Variants in MAGI2 observed in about 807,000 individuals in gnomAD.
MAGI2 encodes membrane-associated guanylate kinase, WW and PDZ domain-containing protein 2.
Under a neutral mutation model 133.3 loss-of-function variants are expected in MAGI2, and 35 were observed. The ratio of observed to expected loss-of-function variants is 0.26; its 90% CI spans 0.20 to 0.35. The LOEUF (loss-of-function observed/expected upper bound fraction) is 0.35. Ranked by LOEUF, MAGI2 falls within the 10% of genes least tolerant of loss-of-function variation. The pLI is 1.00. For synonymous variants in MAGI2, 729 were observed against 710.6 expected (o/e 1.03, Z -0.41); for missense variants, 1,636 against 1,863.4 (o/e 0.88, Z 2.25).
chr7:78,553,608 A>C (rs376327415), intron 3 of MAGI2, among the ~76,000 whole-genome samples: 3 of 152,196 alleles, frequency 2.0e-5, no homozygotes, highest in African/African-American at 7.2e-5. Flanking sequence ...ATCTCATTAG[A>C]GCTACTGAGT....
chr7:78,277,844 TCTA>T (rs1417161279), intron 9 of MAGI2, among the ~76,000 whole-genome samples: 2 of 152,116 alleles, frequency 1.3e-5, no homozygotes, highest in Admixed American at 1.3e-4. Context: ...TGGCTGTCTA[TCTA>T]CTACATCTAA....
chr7:78,871,828 A>C lies in MAGI2; in HGVS notation c.418+135262T>G, dbSNP rs115656349. 9.7e-4 allele frequency among the ~76,000 whole-genome samples: 147 copies of C among 152,254 alleles called. 1 individual carries two copies. Among genetic ancestry groups the C allele is most frequent in the African/African-American group, 3.5e-3 (147 of 41,584 alleles). ...CATAATTATATACCTTTCCATTTAA[A>C]AAAAACTGAGTTCAGTTTAAGAAAC... is the stretch of plus-strand genomic sequence containing the variant. On this transcript the variant is annotated intron_variant, in intron 2 of 21. Transcript: ENST00000354212.
At chr7:78,989,482 A>T (rs1169879774) in intron 2 of MAGI2, among the ~76,000 whole-genome samples, 1 of 152,050 alleles carries the variant, frequency 6.6e-6, no homozygotes, top group African/African-American at 2.4e-5. Context: ...AAAACTCCAG[A>T]GGCTTGATTT....
chr7:78,697,372 T>C (rs1817630610), intron 2 of MAGI2, among the ~76,000 whole-genome samples: 1 of 152,214 alleles, frequency 6.6e-6, no homozygotes, highest in Non-Finnish European at 1.5e-5. Flanking sequence ...GGAAGTATTA[T>C]GAAATAAGTT....
At chr7:79,292,431 G>T (rs1167540573) in intron 1 of MAGI2, among the ~76,000 whole-genome samples, 2 of 151,670 alleles carry the variant, frequency 1.3e-5, no homozygotes, top group African/African-American at 4.8e-5. Context: ...AGACCAGCCT[G>T]GCCTGTGTGG....
At chr7:79,144,537 C>A (rs529378668) in intron 1 of MAGI2, among the ~76,000 whole-genome samples, 1 of 152,110 alleles carries the variant, frequency 6.6e-6, no homozygotes, top group Admixed American at 6.6e-5. Context: ...TCTGTAAAGT[C>A]GGCAGAATTG....
chr7:78,024,977 A>G (rs2471596), intron 21 of MAGI2, among the ~76,000 whole-genome samples: 139,149 of 152,284 alleles, frequency 0.91, 63,717 homozygotes, highest in East Asian at 1. Context: ...TGAGACATAA[A>G]TTAGATCATG....
chr7:79,002,712 G>C (rs181673218), intron 2 of MAGI2, among the ~76,000 whole-genome samples: 1 of 151,548 alleles, frequency 6.6e-6, no homozygotes, highest in African/African-American at 2.4e-5. Context: ...CATTTCCATT[G>C]AGAAACTGCA....
intron 2 of MAGI2, among the ~76,000 whole-genome samples, chr7:78,947,623 A>T (rs1429223394): frequency 3.3e-5 from 5 of 152,090 alleles, no homozygotes; most frequent in Non-Finnish European, 7.4e-5. Flanking sequence ...TGAATTCATG[A>T]GATTCATTTT....
intron 2 of MAGI2, among the ~76,000 whole-genome samples, chr7:78,762,769 C>G (rs1028087437): frequency 1.3e-5 from 2 of 152,132 alleles, no homozygotes; most frequent in African/African-American, 4.8e-5. Context: ...GGGGAACCAC[C>G]TATTTTTCCT....
At chr7:78,832,029 G>T in intron 2 of MAGI2, among the ~76,000 whole-genome samples, 1 of 152,040 alleles carries the variant, frequency 6.6e-6, no homozygotes, top group African/African-American at 2.4e-5. Flanking sequence ...ATGAATGAGT[G>T]GTAAGTGACC....
At chr7:78,437,862 T>C (rs1334634849) in intron 6 of MAGI2, among the ~76,000 whole-genome samples, 9 of 152,226 alleles carry the variant, frequency 5.9e-5, no homozygotes, top group African/African-American at 2.2e-4. Context: ...ATATAACCTT[T>C]AGAATATAAA....
intron 3 of MAGI2, among the ~76,000 whole-genome samples, chr7:78,611,132 A>C (rs909918965): frequency 6.6e-6 from 1 of 152,232 alleles, no homozygotes; most frequent in Non-Finnish European, 1.5e-5. Context: ...TGGGTGTTTT[A>C]GTTATCATCA....
chr7:78,018,989 AT>A lies in MAGI2; in HGVS notation c.*325del. On this transcript the variant is annotated 3_prime_UTR_variant, in exon 22 of 22. Transcript: ENST00000354212. ...AGTTTGGATGACATCCAAGTCCTTCATGCAGTGGGGAGGAATATTTTTTTTT... is the reference window on the plus strand; with the variant it reads ...AGTTTGGATGACATCCAAGTCCTTCAGCAGTGGGGAGGAATATTTTTTTTT... The A allele has an allele frequency of 1.0e-5, 4 of 400,480 alleles. No homozygotes were observed. The East Asian group carries it at 1.4e-4, about 14-fold the overall frequency. The allele number at this position is 400,480 out of a possible 1,614,324, so 24.8% of individuals were successfully genotyped here.
intron 21 of MAGI2, among the ~76,000 whole-genome samples, chr7:78,036,161 A>C (rs1380728421): frequency 1.3e-5 from 2 of 152,134 alleles, no homozygotes; most frequent in Non-Finnish European, 2.9e-5. Flanking sequence ...TGACTTTGTT[A>C]TGTCAGCATC....
chr7:78,390,760 C>T (rs7801594), intron 6 of MAGI2, among the ~76,000 whole-genome samples: 71,359 of 151,866 alleles, frequency 0.47, 17,736 homozygotes, highest in Middle Eastern at 0.59. Context: ...TTCCATGCCC[C>T]TTCCTGCCTC....
chr7:79,217,209 C>A (rs563538229), intron 1 of MAGI2, among the ~76,000 whole-genome samples: 1 of 151,950 alleles, frequency 6.6e-6, no homozygotes, highest in South Asian at 2.1e-4. Context: ...CAAGATGAAT[C>A]CTGATAAAGG....
At chr7:78,735,993 T>A (rs1267737553) in intron 2 of MAGI2, among the ~76,000 whole-genome samples, 1 of 152,202 alleles carries the variant, frequency 6.6e-6, no homozygotes, top group Non-Finnish European at 1.5e-5. Context: ...GTGTACTAAG[T>A]GATGTTCTGA....
At chr7:79,103,844 C>T (rs188317976) in intron 1 of MAGI2, among the ~76,000 whole-genome samples, 1,959 of 148,540 alleles carry the variant, frequency 0.013, 52 homozygotes, top group African/African-American at 0.044. Context: ...GGACTACAGG[C>T]GCCCGCCACC....
Sources: gnomAD v4.1 joint callset for allele counts (sites outside exome capture counted in the v4.1 genomes callset) on GRCh38, gnomAD v4.1.1 for gene constraint, MANE v1.5 for transcripts, NCBI Gene and HGNC (gene_info 2026-07-23, HGNC 2026-07-21) for gene names.